EIF4G1: variants seen among roughly 807,000 people sequenced by gnomAD.
The protein encoded by EIF4G1 is eukaryotic translation initiation factor 4 gamma 1, also known as EIF4-gamma.
Under a neutral mutation model 187.8 loss-of-function variants are expected in EIF4G1, and 4 were observed. That is an observed-to-expected ratio of 0.02 (90% CI 0.01 to 0.05). The LOEUF is 0.05. EIF4G1 is among the 10% of genes least tolerant of loss of function. EIF4G1 has a pLI of 1.00. For synonymous variants in EIF4G1, 844 were observed against 781.4 expected (o/e 1.08, Z -1.34); for missense variants, 1,647 against 2,081.1 (o/e 0.79, Z 4.06).
At position 184,327,368 on chromosome 3, in the gene EIF4G1, G is replaced by A. The variant is rs372079421; in HGVS notation, c.3581G>A (p.Ser1194Asn). The A allele has an allele frequency of 8.7e-6, 14 of 1,613,536 alleles. No homozygotes were observed. Among genetic ancestry groups the A allele is most frequent in the Middle Eastern group, 1.7e-4 (1 of 6,054 alleles). ...RSFSKEVEER[S>N]RERPSQPEGL... is the part of the protein sequence containing the mutation. The stretch of plus-strand genomic sequence containing the variant: ...TTCAGCAAGGAAGTGGAGGAGCGGA[G>A]TAGAGAACGGCCCTCCCAGCCTGAG... The change falls in exon 24 of 33, where the codon AGT becomes AAT. Residue 1194 changes from serine to asparagine, a missense_variant. This residue lies in a region of EIF4G1 where 543 missense variants were observed against 638.0 expected (regional missense o/e 0.85). Transcript: ENST00000346169.
chr3:184,319,686 A>C lies in EIF4G1; in HGVS notation c.425-3A>C, dbSNP rs1473364290. On this transcript the variant is annotated splice_region_variant and splice_polypyrimidine_tract_variant and intron_variant, in intron 6 of 32. Coordinates refer to ENST00000346169, the MANE Select transcript of EIF4G1 (RefSeq NM_198241.3). Reference sequence around the variant, plus strand: ...CATTCTTCTCCGTCCCCCCTCCCCCAAGCTGGCGCCTACTATCCAGCCCAA... The same window carrying C: ...CATTCTTCTCCGTCCCCCCTCCCCCCAGCTGGCGCCTACTATCCAGCCCAA... The C allele has an allele frequency of 6.3e-7, 1 of 1,578,078 alleles. No homozygotes were observed. Among genetic ancestry groups the C allele is most frequent in the Non-Finnish European group, 8.6e-7 (1 of 1,159,792 alleles).
Position 184,321,321 on chromosome 3 carries a change from G to T in EIF4G1, c.737G>T (p.Gly246Val). The change falls in exon 10 of 33, where the codon GGG becomes GTG. Residue 246 changes from glycine to valine, a missense_variant. Around this residue, in one of 11 missense-constraint regions of EIF4G1, gnomAD observed 522 missense variants for 485.2 expected, o/e 1.08. Coordinates refer to ENST00000346169, the MANE Select transcript of EIF4G1 (RefSeq NM_198241.3). ...SQGAIIADRP[G>V]LPGPEHSPSE... ...GGAGCAATCATTGCTGACCGGCCAG[G>T]GCTGCCTGGCCCAGAGCATAGCCCT... The T allele has an allele frequency of 6.2e-7, 1 of 1,614,118 alleles. No individual in the cohort carries two copies. The highest frequency in any genetic ancestry group is 8.5e-7 in the Non-Finnish European group (1 of 1,180,012).
chr3:184,324,009 T>G (rs746640934), intron 16 of EIF4G1, 32 bp downstream of exon 16: 1 of 1,612,414 alleles, frequency 6.2e-7, no homozygotes, highest in Non-Finnish European at 8.5e-7. Context: ...AATCTAATGG[T>G]CTGGTTGCCC....
intron 28 of EIF4G1, among the ~76,000 whole-genome samples, chr3:184,329,846 T>C (rs1424947762): frequency 6.6e-6 from 1 of 152,180 alleles, no homozygotes; most frequent in Admixed American, 6.5e-5. Context: ...GTAAGTTGAA[T>C]GTGGTACTTA....
chr3:184,328,174 A>T (rs1291806677), intron 26 of EIF4G1, 172 bp downstream of exon 26: 1 of 718,456 alleles, frequency 1.4e-6, no homozygotes, highest in East Asian at 2.8e-5. Context: ...TCCTTAGAGG[A>T]TCACGTGAGG....
rs145844411 is a variant in EIF4G1 at position 184,321,748 on chromosome 3, C to T, written c.1164C>T (p.Ser388=). Reference sequence around the variant, plus strand: ...TTGCTCCTCCCCCAGCTTGCCCCTCCGAATCCCCTGTGCCCATTGCTCCAA... The same window carrying T: ...TTGCTCCTCCCCCAGCTTGCCCCTCTGAATCCCCTGTGCCCATTGCTCCAA... ...PELAPPPACP[S]ESPVPIAPTA... The change falls in exon 10 of 33, where the codon TCC becomes TCT. Residue 388 remains serine, a synonymous_variant. Coordinates refer to ENST00000346169, the MANE Select transcript of EIF4G1 (RefSeq NM_198241.3). 39 of 1,601,216 alleles carry T rather than the reference C, an allele frequency of 2.4e-5. No individual in the cohort carries two copies. Among genetic ancestry groups the T allele is most frequent in the African/African-American group, 4.0e-5 (3 of 74,626 alleles).
At chr3:184,329,086 G>A in intron 28 of EIF4G1, 96 bp downstream of exon 28, 1 of 1,402,854 alleles carries the variant, frequency 7.1e-7, no homozygotes, top group Non-Finnish European at 1.0e-6. Context: ...GTGGAGTGGA[G>A]TGATGGTGAT....
At chr3:184,316,064 T>A (rs1722722113) in intron 3 of EIF4G1, 68 bp from the exon 4 acceptor site, 1 of 1,602,720 alleles carries the variant, frequency 6.2e-7, no homozygotes, top group Middle Eastern at 1.7e-4. Context: ...CTCCCCTTAT[T>A]TCACCAGCTT....
intron 4 of EIF4G1, 115 bp from the exon 5 acceptor site, chr3:184,317,206 C>G: frequency 1.6e-6 from 2 of 1,258,456 alleles, no homozygotes; most frequent in Non-Finnish European, 2.3e-6. Context: ...GGATTGGTCG[C>G]CATGTTCTGA....
chr3:184,319,651 A>G, intron 6 of EIF4G1, 38 bp from the exon 7 acceptor site: 1 of 1,336,516 alleles, frequency 7.5e-7, no homozygotes, highest in Non-Finnish European at 1.1e-6. Flanking sequence ...TTGGGCCCTG[A>G]CGCTACCACC....
In EIF4G1 at chr3:184,334,977, A is replaced by AG. The variant is rs1420340132; in HGVS notation, c.*75dup. On this transcript the variant is annotated 3_prime_UTR_variant, in exon 33 of 33. Coordinates refer to ENST00000346169, the MANE Select transcript of EIF4G1 (RefSeq NM_198241.3). This position sits in a 1 kb window ranked among gnomAD's most constrained non-coding sequence, Gnocchi z 5.8. Reference sequence around the variant, plus strand: ...TGGCCCGGCTAGCCGCCTGGACTGCAGGGGGGCGGCAGCAGCGGCGGTGGC... The same window carrying AG: ...TGGCCCGGCTAGCCGCCTGGACTGCAGGGGGGGCGGCAGCAGCGGCGGTGGC... 1.7e-5 allele frequency: 27 copies of AG among 1,597,964 alleles called. No individual in the cohort carries two copies. The South Asian group carries it at 2.3e-4, about 14-fold the overall frequency.
chr3:184,319,587 G>A, intron 6 of EIF4G1, 102 bp from the exon 7 acceptor site: 1 of 792,568 alleles, frequency 1.3e-6, no homozygotes, highest in Admixed American at 2.0e-5. Context: ...GGGGCCGGCT[G>A]TGGGTGGTGA....
Position 184,321,003 on chromosome 3 carries a change from C to T in EIF4G1, c.697+10C>T, listed in dbSNP as rs1426805025. On this transcript the variant is annotated intron_variant, in intron 9 of 32. Coordinates refer to ENST00000346169, the MANE Select transcript of EIF4G1 (RefSeq NM_198241.3). ...GTCATTGTCCGGCCAGGTAAGTAAG[C>T]CGGTGGGACGGAGCTTTTATGGGGA... 6.2e-7 allele frequency: 1 copy of T among 1,613,162 alleles called. No individual in the cohort carries two copies. Among genetic ancestry groups the T allele is most frequent in the African/African-American group, 1.3e-5 (1 of 74,886 alleles).
chr3:184,320,608 T>C (rs1159608945), intron 7 of EIF4G1, 22 bp from the exon 8 acceptor site: 2 of 1,614,020 alleles, frequency 1.2e-6, no homozygotes, highest in Admixed American at 3.3e-5. Flanking sequence ...TTCCCACTCA[T>C]CTTATAGCTT....
At chr3:184,321,126 T>C (rs1723830239) in intron 9 of EIF4G1, 133 bp downstream of exon 9, 1 of 1,487,048 alleles carries the variant, frequency 6.7e-7, no homozygotes, top group African/African-American at 1.4e-5. Context: ...ATTTTGAGGG[T>C]GAATTGGGTT....
chr3:184,318,480 G>C (rs763545929), intron 6 of EIF4G1, among the ~76,000 whole-genome samples: 2 of 152,082 alleles, frequency 1.3e-5, no homozygotes, highest in Admixed American at 6.5e-5. Context: ...GGCTGAGCAC[G>C]GTGGCTCACG....
intron 26 of EIF4G1, 173 bp downstream of exon 26, chr3:184,328,175 T>A (rs995427729): frequency 1.4e-6 from 1 of 713,106 alleles, no homozygotes; most frequent in Non-Finnish European, 2.4e-6. Flanking sequence ...CCTTAGAGGA[T>A]CACGTGAGGT....
Position 184,325,658 on chromosome 3 carries a change from T to C in EIF4G1, c.3121+19T>C. On this transcript the variant is annotated intron_variant, in intron 20 of 32. Coordinates refer to ENST00000346169, the MANE Select transcript of EIF4G1 (RefSeq NM_198241.3). This position sits in a 1 kb window ranked among gnomAD's most constrained non-coding sequence, Gnocchi z 5.2. ...CCCATCAGTGAGTTCCAAGCTGGGATTGAGAAGGGAGCAGTGAAGGGACCG... is the reference window on the plus strand; with the variant it reads ...CCCATCAGTGAGTTCCAAGCTGGGACTGAGAAGGGAGCAGTGAAGGGACCG... 1.2e-6 allele frequency: 2 copies of C among 1,613,974 alleles called. No homozygotes were observed. The highest frequency in any genetic ancestry group is 8.5e-7 in the Non-Finnish European group (1 of 1,179,990).
At chr3:184,331,658 T>TGGGGGGGGGG in intron 30 of EIF4G1, 52 bp downstream of exon 30, 1 of 523,468 alleles carries the variant, frequency 1.9e-6, no homozygotes, top group Non-Finnish European at 2.9e-6. Context: ...AGGGTGGGGG[T>TGGGGGGGGGG]GGGGGCAGCA....
Sources: gnomAD v4.1 joint callset for allele counts (sites outside exome capture counted in the v4.1 genomes callset) on GRCh38, gnomAD v4.1.1 for gene constraint, gnomAD v4.1.1 regional missense constraint, Gnocchi (gnomAD v3.1) non-coding constraint, MANE v1.5 for transcripts, NCBI Gene and HGNC (gene_info 2026-07-23, HGNC 2026-07-21) for gene names.